The following SLC38A8 variants were observed in gnomAD, a reference collection of about 807,000 sequenced individuals.
SLC38A8 encodes solute carrier family 38 member 8.
A neutral mutation model predicts 46.0 loss-of-function variants in SLC38A8; 65 were observed. The ratio of observed to expected loss-of-function variants is 1.41; its 90% CI spans 1.16 to 1.74. SLC38A8 has a LOEUF of 1.74. Among genes scored for constraint, SLC38A8 ranks in the 40% most tolerant of loss-of-function variants. The probability of loss-of-function intolerance (pLI) is 0.00; values close to 1 mark genes in which losing one functional copy is unlikely to be tolerated. For synonymous variants in SLC38A8, 447 were observed against 243.7 expected (o/e 1.83, Z -7.77); for missense variants, 998 against 567.9 (o/e 1.76, Z -7.70).
intron 10 of SLC38A8, among the ~76,000 whole-genome samples, chr16:84,010,628 T>C (rs147736568): frequency 7.6e-4 from 116 of 152,158 alleles, no homozygotes; most frequent in African/African-American, 2.4e-3. Context: ...GCACCTGTAT[T>C]CCCAGCTATG....
chr16:84,019,892 G>A (rs1173619998), intron 7 of SLC38A8, among the ~76,000 whole-genome samples: 3 of 152,244 alleles, frequency 2.0e-5, no homozygotes, highest in African/African-American at 7.2e-5. Context: ...CATCTGTTTT[G>A]ACACCATGTG....
At chr16:84,041,366 T>C (rs2085365107) in intron 2 of SLC38A8, 1 of 152,598 alleles carries the variant, frequency 6.6e-6, no homozygotes, top group Non-Finnish European at 1.5e-5. Flanking sequence ...TCGCCCAGGC[T>C]GGAGCGCACA....
chr16:84,043,337 G>C (rs1037088635), upstream of SLC38A8, among the ~76,000 whole-genome samples: 2 of 152,130 alleles, frequency 1.3e-5, no homozygotes, highest in African/African-American at 4.8e-5. Flanking sequence ...GCTCAGATCC[G>C]GAATTTGACT....
At chr16:84,039,554 G>A (rs559685913) in intron 2 of SLC38A8, among the ~76,000 whole-genome samples, 4 of 152,158 alleles carry the variant, frequency 2.6e-5, no homozygotes, top group East Asian at 1.9e-4. Flanking sequence ...AGACCATCCT[G>A]GCCAACACAG....
chr16:84,010,395 G>T (rs572751864), intron 10 of SLC38A8, among the ~76,000 whole-genome samples: 1 of 151,828 alleles, frequency 6.6e-6, no homozygotes, highest in East Asian at 1.9e-4. Flanking sequence ...AAAGCCCTCC[G>T]ATCCCACCTG....
chr16:84,036,756 G>T lies in SLC38A8; in HGVS notation c.334C>A (p.Leu112Met). The T allele has an allele frequency of 6.2e-7, 1 of 1,614,224 alleles. No individual in the cohort carries two copies. The highest frequency in any genetic ancestry group is 8.5e-7 in the Non-Finnish European group (1 of 1,180,048). ...KLCEACFLLN[L>M]LMISVAFLRV... ...AGGAAGGCCACGGAGATCATGAGCA[G>T]GTTGAGGAGGAAGCAGGCCTCACAC... The change falls in exon 3 of 11, where the codon CTG becomes ATG. Residue 112 changes from leucine to methionine, a missense_variant. Coordinates refer to ENST00000299709, the MANE Select transcript of SLC38A8 (RefSeq NM_001080442.3).
chr16:84,031,987 G>A lies in SLC38A8; in HGVS notation c.531-19C>T. The A allele has an allele frequency of 1.9e-6, 3 of 1,607,422 alleles. No individual in the cohort carries two copies. Among genetic ancestry groups the A allele is most frequent in the African/African-American group, 1.3e-5 (1 of 74,924 alleles). On this transcript the variant is annotated intron_variant, in intron 4 of 10. Coordinates refer to ENST00000299709, the MANE Select transcript of SLC38A8 (RefSeq NM_001080442.3). ...TAGGATGCTAACACAGTGACCGTGTGAGGGGCTGCGCAGTGGGTGACATGT... is the reference window on the plus strand; with the variant it reads ...TAGGATGCTAACACAGTGACCGTGTAAGGGGCTGCGCAGTGGGTGACATGT...
intron 6 of SLC38A8, among the ~76,000 whole-genome samples, chr16:84,029,122 G>C (rs568478389): frequency 6.6e-6 from 1 of 152,286 alleles, no homozygotes; most frequent in South Asian, 2.1e-4. Flanking sequence ...GCCAGAGTTA[G>C]GTGGGCAGCT....
At chr16:84,017,107 C>A in intron 8 of SLC38A8, 33 bp downstream of exon 8, 3 of 1,611,988 alleles carry the variant, frequency 1.9e-6, no homozygotes, top group Non-Finnish European at 1.7e-6. Flanking sequence ...GCAGACCATG[C>A]TTCACGGTGC....
intron 5 of SLC38A8, among the ~76,000 whole-genome samples, chr16:84,030,892 GC>G (rs1377535530): frequency 1.3e-5 from 2 of 152,124 alleles, no homozygotes; most frequent in African/African-American, 4.8e-5. Flanking sequence ...CCGATCTCAA[GC>G]ATATCCAGTC....
intron 4 of SLC38A8, among the ~76,000 whole-genome samples, chr16:84,032,456 G>C (rs973975962): frequency 2.0e-5 from 3 of 152,210 alleles, no homozygotes; most frequent in African/African-American, 7.2e-5. Flanking sequence ...CAAAGTGCTG[G>C]AATTACAGGT....
chr16:84,025,102 T>C (rs1047850582), intron 6 of SLC38A8, among the ~76,000 whole-genome samples: 2 of 152,168 alleles, frequency 1.3e-5, no homozygotes, highest in African/African-American at 2.4e-5. Context: ...AGAATACTGA[T>C]GTACAGCCAG....
chr16:84,037,862 G>A (rs1160298034), intron 2 of SLC38A8, among the ~76,000 whole-genome samples: 1 of 143,608 alleles, frequency 7.0e-6, no homozygotes, highest in Admixed American at 7.2e-5. Flanking sequence ...AGGCTGGAGT[G>A]CCATGGCACG....
At chr16:84,023,710 A>G (rs573616354) in intron 6 of SLC38A8, among the ~76,000 whole-genome samples, 1 of 152,322 alleles carries the variant, frequency 6.6e-6, no homozygotes, top group South Asian at 2.1e-4. Flanking sequence ...CCTGGCCAAC[A>G]TGGCAAAATT....
intron 7 of SLC38A8, among the ~76,000 whole-genome samples, chr16:84,021,546 G>C (rs1171530227): frequency 1.3e-5 from 2 of 152,146 alleles, no homozygotes; most frequent in Non-Finnish European, 2.9e-5. Context: ...TGACTAACTA[G>C]AGTATCTAAG....
chr16:84,022,630 A>T, intron 7 of SLC38A8, 145 bp downstream of exon 7: 1 of 639,086 alleles, frequency 1.6e-6, no homozygotes. Flanking sequence ...GCCTTTTCCT[A>T]TGCACACTAA....
At chr16:84,026,228 G>GTGTTT (rs111629379) in intron 6 of SLC38A8, among the ~76,000 whole-genome samples, 30,611 of 151,914 alleles carry the variant, frequency 0.2, 4,537 homozygotes, top group African/African-American at 0.42. Flanking sequence ...GTTTCTACTG[G>GTGTTT]TGTTTTGTTT....
In SLC38A8 at chr16:84,029,569, C is replaced by G. The variant is rs1248968700; in HGVS notation, c.633-18G>C. 1.2e-6 allele frequency: 2 copies of G among 1,613,608 alleles called. No homozygotes were observed. Among genetic ancestry groups the G allele is most frequent in the Admixed American group, 1.7e-5 (1 of 59,984 alleles). On this transcript the variant is annotated intron_variant, in intron 5 of 10. Transcript: ENST00000299709. ...AGGCAGGGCTGTAAACAGACAAGAA[C>G]AGGAGTTTATTAAAGAAGGGTCACA... is the stretch of plus-strand genomic sequence containing the variant.
intron 10 of SLC38A8, among the ~76,000 whole-genome samples, chr16:84,011,364 T>C (rs78065810): frequency 0.039 from 5,954 of 152,194 alleles, 175 homozygotes; most frequent in Admixed American, 0.077. Flanking sequence ...TTACCAGACA[T>C]TGGGAGGCTG....
Sources: allele counts gnomAD v4.1 joint callset (sites outside exome capture counted in the v4.1 genomes callset), GRCh38; gene constraint gnomAD v4.1.1; transcripts MANE v1.5; gene names NCBI Gene and HGNC (gene_info 2026-07-23, HGNC 2026-07-21).